The following KMT2B variants were observed in gnomAD, a reference collection of about 807,000 sequenced individuals.
KMT2B encodes the protein lysine methyltransferase 2B, also known as histone-lysine N-methyltransferase 2B.
KMT2B carries 22 observed loss-of-function variants against 255.3 expected under a neutral mutation model. The observed-to-expected ratio is 0.09, with a 90% CI of 0.06 to 0.12. The LOEUF (loss-of-function observed/expected upper bound fraction) is 0.12, where lower values mean the gene tolerates loss of function less well. Among genes scored for constraint, KMT2B ranks in the 10% least tolerant of loss-of-function variants. The probability of loss-of-function intolerance (pLI) is 1.00; values close to 1 mark genes in which losing one functional copy is unlikely to be tolerated. For missense variants in KMT2B, 3,149 were observed against 3,737.0 expected (o/e 0.84, Z 4.10); for synonymous variants, 1,730 against 1,498.1 (o/e 1.15, Z -3.57).
chr19:35,718,150 G>A lies in KMT2B; in HGVS notation c.132G>A (p.Arg44=). 8.5e-6 allele frequency: 9 copies of A among 1,058,082 alleles called. No individual in the cohort carries two copies. Among genetic ancestry groups the A allele is most frequent in the Non-Finnish European group, 9.1e-6 (8 of 878,572 alleles). The allele number at this position is 1,058,082 out of a possible 1,614,324, so 65.5% of individuals were successfully genotyped here. ...GGGGCAACGGGGCCGAAAGAGTGCG[G>A]GTAGCTCTGCGGCGCGGCGGTGGCG... The part of the protein sequence containing the change: ...GGRGNGAERV[R]VALRRGGGAT... Residue 44 remains arginine, a synonymous_variant, in exon 1 of 37, where the codon CGG becomes CGA. Transcript: ENST00000420124. The surrounding 1 kb of genome is among the most constrained non-coding windows in gnomAD (Gnocchi z 5.0).
intron 5 of KMT2B, 51 bp downstream of exon 5, chr19:35,722,769 T>C: frequency 1.3e-6 from 2 of 1,534,536 alleles, no homozygotes; most frequent in African/African-American, 1.4e-5. Flanking sequence ...GACCCCACAC[T>C]TGGGTGACAT....
Position 35,738,320 on chromosome 19 carries a change from T to C in KMT2B, c.7911T>C (p.Asp2637=), listed in dbSNP as rs746801685. The change falls in exon 37 of 37, where the codon GAT becomes GAC. Residue 2637 remains aspartate (D), a synonymous_variant. Coordinates refer to ENST00000420124, the MANE Select transcript of KMT2B (RefSeq NM_014727.3). The surrounding 1 kb of genome is among the most constrained non-coding windows in gnomAD (Gnocchi z 8.7). Reference sequence around the variant, plus strand: ...ATATGTTCCGCATGGATGACTTTGATGTAGTGGACGCCACGATGCATGGCA... The same window carrying C: ...ATATGTTCCGCATGGATGACTTTGACGTAGTGGACGCCACGATGCATGGCA... ...GCYMFRMDDF[D]VVDATMHGNA... 6 of 1,613,728 alleles carry C rather than the reference T, an allele frequency of 3.7e-6. No homozygotes were observed. The African/African-American group carries it at 8.0e-5, about 22-fold the overall frequency.
rs2061567257 is a variant in KMT2B, at chr19:35,723,120, C to T, written c.2848C>T (p.Arg950Trp). 6.2e-7 allele frequency: 1 copy of T among 1,613,474 alleles called. No homozygotes were observed. Among genetic ancestry groups the T allele is most frequent in the Non-Finnish European group, 8.5e-7 (1 of 1,179,870 alleles). ...TGGAGGGACCCTGGCCCACACACCC[C>T]GGCGCTCACTGCCCTCCCATCACGG... is the stretch of plus-strand genomic sequence containing the variant. Reference protein sequence around the residue: ...GSGGTLAHTPRRSLPSHHGKK... With the variant: ...GSGGTLAHTPWRSLPSHHGKK... Residue 950 changes from arginine to tryptophan, a missense_variant, in exon 6 of 37, where the codon CGG becomes TGG. This residue lies in a region of KMT2B where 132 missense variants were observed against 174.7 expected (regional missense o/e 0.76). Transcript: ENST00000420124. This position sits in a 1 kb window ranked among gnomAD's most constrained non-coding sequence, Gnocchi z 7.5.
Position 35,721,240 on chromosome 19 carries a change from C to G in KMT2B, c.1893C>G (p.Pro631=), listed in dbSNP as rs1568369300. The G allele has an allele frequency of 3.3e-6, 5 of 1,503,504 alleles. No homozygotes were observed. In the African/African-American group the frequency reaches 5.7e-5, roughly 17 times the overall value. 93.1% of individuals were successfully genotyped at this position (1,503,504 alleles called of 1,614,324 possible). A position where few individuals can be genotyped will look rare whatever the true frequency, so the allele number is the denominator to read the frequency against. Residue 631 remains proline, a synonymous_variant, in exon 3 of 37, where the codon CCC becomes CCG. Transcript: ENST00000420124. ...PPPAPPPPPA[P]SPPPAPATSS... ...CAGCCCCTCCACCTCCCCCGGCCCC[C>G]TCCCCACCCCCTGCTCCTGCCACCT... is the stretch of plus-strand genomic sequence containing the variant.
At position 35,718,141 on chromosome 19, in the gene KMT2B, A is replaced by C. The variant is rs1969025417; in HGVS notation, c.123A>C (p.Glu41Asp). 1 of 1,044,426 alleles carries C rather than the reference A, an allele frequency of 9.6e-7. No individual in the cohort carries two copies. The highest frequency in any genetic ancestry group is 1.1e-6 in the Non-Finnish European group (1 of 870,082). 64.7% of individuals were successfully genotyped at this position (1,044,426 alleles called of 1,614,324 possible). Reference protein sequence around the residue: ...GGRGGRGNGAERVRVALRRGG... With the variant: ...GGRGGRGNGADRVRVALRRGG... ...GCGGCGGACGGGGCAACGGGGCCGA[A>C]AGAGTGCGGGTAGCTCTGCGGCGCG... The change falls in exon 1 of 37, where the codon GAA (glutamate) becomes GAC (aspartate). Residue 41 changes from glutamate (E) to aspartate (D), a missense_variant. By Grantham distance (45) the Glu-to-Asp change is conservative. Around this residue, in one of 18 missense-constraint regions of KMT2B, gnomAD observed 1,188 missense variants for 1,106.4 expected, o/e 1.07. Coordinates refer to ENST00000420124, the MANE Select transcript of KMT2B (RefSeq NM_014727.3). The surrounding 1 kb of genome is among the most constrained non-coding windows in gnomAD (Gnocchi z 5.0).
Position 35,733,364 on chromosome 19 carries a change from C to T in KMT2B, c.6815C>T (p.Pro2272Leu), listed in dbSNP as rs1344846321. The part of the protein sequence containing the change: ...LVLSSGPASP[P>L]RQAIRVKRVS... Reference sequence around the variant, plus strand: ...CTGAGCAGTGGGCCAGCCAGCCCGCCCCGCCAGGCCATCCGCGTCAAGAGG... The same window carrying T: ...CTGAGCAGTGGGCCAGCCAGCCCGCTCCGCCAGGCCATCCGCGTCAAGAGG... Residue 2272 changes from proline (P) to leucine (L), a missense_variant, in exon 28 of 37, where the codon CCC (proline) becomes CTC (leucine). Physicochemically the swap from Pro to Leu is moderately conservative, Grantham distance 98. This residue lies in a region of KMT2B where 897 missense variants were observed against 825.3 expected (regional missense o/e 1.09). Transcript: ENST00000420124. The surrounding 1 kb of genome is among the most constrained non-coding windows in gnomAD (Gnocchi z 4.3). The T allele has an allele frequency of 2.8e-5, 44 of 1,548,778 alleles. No individual in the cohort carries two copies. Among genetic ancestry groups the T allele is most frequent in the Non-Finnish European group, 3.8e-5 (43 of 1,146,250 alleles).
Position 35,729,057 on chromosome 19 carries a change from A to G in KMT2B, c.4760A>G (p.Tyr1587Cys). 1 of 1,613,860 alleles carries G rather than the reference A, an allele frequency of 6.2e-7. No homozygotes were observed. Residue 1587 changes from tyrosine to cysteine, a missense_variant, in exon 21 of 37, where the codon TAC becomes TGC. By Grantham distance (194) the Tyr-to-Cys change is radical. Transcript: ENST00000420124. ...DPRQCALCLKYGDADSKEAGR... is the reference protein window; with the variant it reads ...DPRQCALCLKCGDADSKEAGR... ...CGTCAGTGTGCACTCTGCCTCAAAT[A>G]CGGGGATGCAGACTCCAAGGTGAGG... is the stretch of plus-strand genomic sequence containing the variant.
Position 35,733,932 on chromosome 19 carries a change from C to A in KMT2B, c.7159+60C>A. Reference sequence around the variant, plus strand: ...GTGCCTGGCTCAGCTGGGTGACTCACAGATGCAAAATCAGCCCTCTTTCAA... The same window carrying A: ...GTGCCTGGCTCAGCTGGGTGACTCAAAGATGCAAAATCAGCCCTCTTTCAA... On this transcript the variant is annotated intron_variant, in intron 30 of 36. Transcript: ENST00000420124. This position sits in a 1 kb window ranked among gnomAD's most constrained non-coding sequence, Gnocchi z 4.3. 4.8e-6 allele frequency: 6 copies of A among 1,249,592 alleles called. No individual in the cohort carries two copies. Among genetic ancestry groups the A allele is most frequent in the Non-Finnish European group, 5.8e-6 (5 of 864,292 alleles). 77.4% of individuals were successfully genotyped at this position (1,249,592 alleles called of 1,614,324 possible). A position where few individuals can be genotyped will look rare whatever the true frequency, so the allele number is the denominator to read the frequency against.
At position 35,738,275 on chromosome 19, in the gene KMT2B, C is replaced by T. The variant is rs754586285; in HGVS notation, c.7873-7C>T. 1.1e-5 allele frequency: 17 copies of T among 1,613,390 alleles called. No individual in the cohort carries two copies. The South Asian group carries it at 1.9e-4, about 18-fold the overall frequency. ...GAGCACCTGATCTCCCCACCTCATC[C>T]CTGCAGGGCATCGGGTGCTATATGT... On this transcript the variant is annotated splice_polypyrimidine_tract_variant and splice_region_variant and intron_variant, in intron 36 of 36. Coordinates refer to ENST00000420124, the MANE Select transcript of KMT2B (RefSeq NM_014727.3). This position sits in a 1 kb window ranked among gnomAD's most constrained non-coding sequence, Gnocchi z 8.7.
In KMT2B at chr19:35,726,378, A is replaced by G. The variant is rs553634528; in HGVS notation, c.4003+25A>G. On this transcript the variant is annotated intron_variant, in intron 14 of 36. Coordinates refer to ENST00000420124, the MANE Select transcript of KMT2B (RefSeq NM_014727.3). ...GGTGGGGACCGGGCAGGGGAACTGG[A>G]TGCTGGGGGCCACAGGGGAATGGCC... The G allele has an allele frequency of 3.3e-6, 5 of 1,499,914 alleles. No homozygotes were observed. The East Asian group carries it at 6.8e-5, about 20-fold the overall frequency. 92.9% of individuals were successfully genotyped at this position (1,499,914 alleles called of 1,614,324 possible).
In KMT2B at chr19:35,721,697, C is replaced by A; in HGVS notation, c.2350C>A (p.Pro784Thr). The change falls in exon 3 of 37, where the codon CCG (proline) becomes ACG (threonine). Residue 784 changes from proline to threonine, a missense_variant. This residue lies in a region of KMT2B where 1,188 missense variants were observed against 1,106.4 expected (regional missense o/e 1.07). Coordinates refer to ENST00000420124, the MANE Select transcript of KMT2B (RefSeq NM_014727.3). The stretch of plus-strand genomic sequence containing the variant: ...CCGGATTGCGGGCGTGGGTTCCTTG[C>A]CGCTGTCTGGGGTAGAGGAGAAGAT... ...KARIAGVGSLPLSGVEEKMFS... is the reference protein window; with the variant it reads ...KARIAGVGSLTLSGVEEKMFS... 3 of 1,610,486 alleles carry A rather than the reference C, an allele frequency of 1.9e-6. No homozygotes were observed. The highest frequency in any genetic ancestry group is 2.5e-6 in the Non-Finnish European group (3 of 1,178,278).
rs751880626 is a variant in KMT2B, at chr19:35,721,569, T to C, written c.2222T>C (p.Leu741Pro). The change falls in exon 3 of 37, where the codon CTG (leucine) becomes CCG (proline). Residue 741 changes from leucine (L) to proline (P), a missense_variant. Physicochemically the swap from Leu to Pro is moderately conservative, Grantham distance 98 (BLOSUM62 -3). Coordinates refer to ENST00000420124, the MANE Select transcript of KMT2B (RefSeq NM_014727.3). ...ACACAGGCTCAGCTACTGCAGCCCC[T>C]GCAGGCCTTGCAAACCCAGCTCCTG... The part of the protein sequence containing the change: ...PQTQAQLLQP[L>P]QALQTQLLPQ... 1.9e-6 allele frequency: 3 copies of C among 1,611,802 alleles called. No homozygotes were observed. Among genetic ancestry groups the C allele is most frequent in the Non-Finnish European group, 1.7e-6 (2 of 1,179,830 alleles).
In KMT2B at chr19:35,726,557, T is replaced by A. The variant is rs139980792; in HGVS notation, c.4003+204T>A. ...ATAGCTCCTCTGAGGGTGGTGGGAG[T>A]GGAAGGCCTGGGACCCCACTGTCTT... On this transcript the variant is annotated intron_variant, in intron 14 of 36. Transcript: ENST00000420124. Among the ~76,000 whole-genome samples the A allele has an allele frequency of 9.9e-4, 151 of 151,970 alleles. 1 individual carries two copies. The highest frequency in any genetic ancestry group is 3.5e-3 in the African/African-American group (145 of 41,440).
At position 35,730,335 on chromosome 19, in the gene KMT2B, C is replaced by A; in HGVS notation, c.5077-7C>A. 6.2e-7 allele frequency: 1 copy of A among 1,610,014 alleles called. No homozygotes were observed. The highest frequency in any genetic ancestry group is 1.1e-5 in the South Asian group (1 of 91,040). On this transcript the variant is annotated splice_region_variant and splice_polypyrimidine_tract_variant and intron_variant, in intron 23 of 36. Transcript: ENST00000420124. ...CAGCCACCTCACTTTGCCACCCCCT[C>A]TTCCAGGAAATTGTGAACCCCGATG...
rs1969819496 is a variant in KMT2B, at chr19:35,733,817, G to A, written c.7104G>A (p.Gln2368=). 3 of 1,613,786 alleles carry A rather than the reference G, an allele frequency of 1.9e-6. No individual in the cohort carries two copies. The highest frequency in any genetic ancestry group is 2.5e-6 in the Non-Finnish European group (3 of 1,179,756). The change falls in exon 30 of 37, where the codon CAG becomes CAA. Residue 2368 remains glutamine, a synonymous_variant. Transcript: ENST00000420124. This position sits in a 1 kb window ranked among gnomAD's most constrained non-coding sequence, Gnocchi z 4.3. ...LLPLPEDGPP[Q]VPDGPPDLLL... is the part of the protein sequence containing the mutation. ...CACTTCCGGAAGATGGTCCTCCCCAGGTCCCCGATGGTCCCCCAGACCTGC... is the reference window on the plus strand; with the variant it reads ...CACTTCCGGAAGATGGTCCTCCCCAAGTCCCCGATGGTCCCCCAGACCTGC...
chr19:35,723,615 G>T lies in KMT2B; in HGVS notation c.3058+113G>T. On this transcript the variant is annotated intron_variant, in intron 7 of 36. Transcript: ENST00000420124. This position sits in a 1 kb window ranked among gnomAD's most constrained non-coding sequence, Gnocchi z 7.5. ...GCAGCTCACCCTCTCCATCTTCTCCGTTGTGTGCTTTCATAGCTCCTGCGT... is the reference window on the plus strand; with the variant it reads ...GCAGCTCACCCTCTCCATCTTCTCCTTTGTGTGCTTTCATAGCTCCTGCGT... The T allele has an allele frequency of 7.7e-7, 1 of 1,297,048 alleles. No homozygotes were observed. The highest frequency in any genetic ancestry group is 1.5e-5 in the South Asian group (1 of 68,500). 80.3% of individuals were successfully genotyped at this position (1,297,048 alleles called of 1,614,324 possible).
intron 22 of KMT2B, 138 bp downstream of exon 22, chr19:35,729,434 C>T (rs747371991): frequency 5.8e-5 from 70 of 1,197,952 alleles, no homozygotes; most frequent in South Asian, 5.1e-4. Context: ...TGCCCTGGGA[C>T]GTTGGTGCTG....
At chr19:35,731,672 G>A (rs775524849) in intron 26 of KMT2B, among the ~76,000 whole-genome samples, 1 of 152,210 alleles carries the variant, frequency 6.6e-6, no homozygotes, top group Non-Finnish European at 1.5e-5. Context: ...AGCAGAGGCA[G>A]AGAGGAGATG....
chr19:35,723,839 G>C lies in KMT2B; in HGVS notation c.3166G>C (p.Glu1056Gln). 2.5e-6 allele frequency: 4 copies of C among 1,601,310 alleles called. No individual in the cohort carries two copies. Among genetic ancestry groups the C allele is most frequent in the Non-Finnish European group, 3.4e-6 (4 of 1,173,928 alleles). The change falls in exon 8 of 37, where the codon GAG (glutamate) becomes CAG (glutamine). Residue 1056 changes from glutamate (E) to glutamine (Q), a missense_variant. Coordinates refer to ENST00000420124, the MANE Select transcript of KMT2B (RefSeq NM_014727.3). The surrounding 1 kb of genome is among the most constrained non-coding windows in gnomAD (Gnocchi z 7.5). The part of the protein sequence containing the change: ...RRGAGAGGPR[E>Q]EVVAHPGPEE... Reference sequence around the variant, plus strand: ...GGGGGCGGGAGCTGGGGGGCCCCGGGAGGAGGTGGTGGCCCACCCAGGGCC... The same window carrying C: ...GGGGGCGGGAGCTGGGGGGCCCCGGCAGGAGGTGGTGGCCCACCCAGGGCC...
Sources: gnomAD v4.1 joint callset for allele counts (sites outside exome capture counted in the v4.1 genomes callset) on GRCh38, gnomAD v4.1.1 for gene constraint, gnomAD v4.1.1 regional missense constraint, Gnocchi (gnomAD v3.1) non-coding constraint, MANE v1.5 for transcripts, NCBI Gene and HGNC (gene_info 2026-07-23, HGNC 2026-07-21) for gene names.